EYA4: variants seen among roughly 807,000 people sequenced by gnomAD.
EYA4 encodes EYA transcriptional coactivator and phosphatase 4, also known as protein phosphatase EYA4.
A neutral mutation model predicts 87.9 loss-of-function variants in EYA4; 31 were observed. The ratio of observed to expected loss-of-function variants is 0.35; its 90% CI spans 0.27 to 0.48. EYA4 has a LOEUF of 0.48. Among genes scored for constraint, EYA4 ranks in the 20% least tolerant of loss-of-function variants. The pLI is 0.99. For synonymous variants in EYA4, 263 were observed against 270.6 expected (o/e 0.97, Z 0.28); for missense variants, 678 against 761.4 (o/e 0.89, Z 1.29).
chr6:133,349,085 C>A (rs947392727), intron 2 of EYA4, among the ~76,000 whole-genome samples: 4 of 152,210 alleles, frequency 2.6e-5, no homozygotes, highest in South Asian at 4.1e-4. Flanking sequence ...TATGCACCTG[C>A]CTCAGGGCTT....
intron 3 of EYA4, among the ~76,000 whole-genome samples, chr6:133,399,574 A>G (rs964806291): frequency 1.3e-5 from 2 of 152,242 alleles, no homozygotes; most frequent in Admixed American, 1.3e-4. Context: ...AAGAATGTCA[A>G]CTTGGACTAC....
intron 2 of EYA4, among the ~76,000 whole-genome samples, chr6:133,302,539 C>T (rs1779491273): frequency 6.6e-6 from 1 of 152,144 alleles, no homozygotes; most frequent in Non-Finnish European, 1.5e-5. Context: ...TTATAGCAAA[C>T]AATCCGTTAT....
intron 17 of EYA4, among the ~76,000 whole-genome samples, chr6:133,519,414 C>G (rs576743849): frequency 7.1e-6 from 1 of 141,776 alleles, no homozygotes; most frequent in African/African-American, 2.9e-5. Flanking sequence ...ATACATTCCT[C>G]GACACATACA....
intron 3 of EYA4, among the ~76,000 whole-genome samples, chr6:133,395,251 A>C (rs1207336339): frequency 1.4e-5 from 2 of 143,872 alleles, no homozygotes; most frequent in Admixed American, 7.0e-5. Context: ...TTTTTTCTCC[A>C]ATCCAGGTCA....
At chr6:133,295,338 G>T (rs1051840528) in intron 2 of EYA4, among the ~76,000 whole-genome samples, 4 of 152,116 alleles carry the variant, frequency 2.6e-5, no homozygotes, top group Non-Finnish European at 5.9e-5. Context: ...TGTATTCAAA[G>T]AATTTCATTT....
chr6:133,274,891 T>C lies in EYA4; in HGVS notation c.33+78T>C. On this transcript the variant is annotated intron_variant, in intron 2 of 19. Coordinates refer to ENST00000355286, the MANE Select transcript of EYA4 (RefSeq NM_004100.5). ...AATCATACGTAAAAGAGATATATTG[T>C]AAGAAGTAAGTTTTTCATTAAATAT... 3 of 1,066,116 alleles carry C rather than the reference T, an allele frequency of 2.8e-6. No individual in the cohort carries two copies. In the South Asian group the frequency reaches 4.0e-5, roughly 14 times the overall value. 66.0% of individuals were successfully genotyped at this position (1,066,116 alleles called of 1,614,324 possible).
At chr6:133,305,375 C>A (rs970770949) in intron 2 of EYA4, among the ~76,000 whole-genome samples, 1 of 152,072 alleles carries the variant, frequency 6.6e-6, no homozygotes. Flanking sequence ...GGCAAGGGCA[C>A]GAGGAAGACC....
intron 2 of EYA4, among the ~76,000 whole-genome samples, chr6:133,313,707 T>C (rs564857639): frequency 6.6e-6 from 1 of 152,336 alleles, no homozygotes; most frequent in South Asian, 2.1e-4. Context: ...TCTGTTTTCA[T>C]TCTTTCATTA....
chr6:133,323,493 C>T (rs1199082174), intron 2 of EYA4, among the ~76,000 whole-genome samples: 1 of 152,088 alleles, frequency 6.6e-6, no homozygotes, highest in Non-Finnish European at 1.5e-5. Context: ...ATTGCGTAAA[C>T]TTTGGTTAAT....
Position 133,468,748 on chromosome 6 carries a change from A to C in EYA4, c.970+17A>C. 1 of 1,611,966 alleles carries C rather than the reference A, an allele frequency of 6.2e-7. No individual in the cohort carries two copies. Among genetic ancestry groups the C allele is most frequent in the Non-Finnish European group, 8.5e-7 (1 of 1,178,322 alleles). On this transcript the variant is annotated intron_variant, in intron 11 of 19. Coordinates refer to ENST00000355286, the MANE Select transcript of EYA4 (RefSeq NM_004100.5). ...ACCAACCAGGTACAGATCTTCACCC[A>C]GGTGAAATACTTTTATATGTTTTGC...
chr6:133,515,583 G>A, intron 17 of EYA4, 148 bp downstream of exon 17: 1 of 651,170 alleles, frequency 1.5e-6, no homozygotes, highest in Middle Eastern at 3.9e-4. Flanking sequence ...CAATTTCAGT[G>A]CATGTGCATG....
At chr6:133,437,093 A>G (rs952092246) in intron 3 of EYA4, among the ~76,000 whole-genome samples, 1 of 152,124 alleles carries the variant, frequency 6.6e-6, no homozygotes, top group Non-Finnish European at 1.5e-5. Flanking sequence ...GTTTATGACT[A>G]AGTTCATTTT....
chr6:133,371,647 A>G (rs932700012), intron 2 of EYA4, among the ~76,000 whole-genome samples: 3 of 152,170 alleles, frequency 2.0e-5, no homozygotes, highest in African/African-American at 7.2e-5. Context: ...TACTCTCGTT[A>G]GCAGTTTCAA....
intron 6 of EYA4, among the ~76,000 whole-genome samples, chr6:133,458,558 T>C (rs1163113036): frequency 6.6e-6 from 1 of 152,110 alleles, no homozygotes; most frequent in Non-Finnish European, 1.5e-5. Flanking sequence ...AATTCTTTAG[T>C]GTGGGAAAGC....
intron 11 of EYA4, among the ~76,000 whole-genome samples, chr6:133,473,515 A>G (rs1182225751): frequency 3.3e-5 from 5 of 152,102 alleles, no homozygotes; most frequent in African/African-American, 7.2e-5. Context: ...TGTTTATATC[A>G]TGAATTGATG....
At chr6:133,362,009 C>T (rs1784482293) in intron 2 of EYA4, among the ~76,000 whole-genome samples, 1 of 152,202 alleles carries the variant, frequency 6.6e-6, no homozygotes, top group African/African-American at 2.4e-5. Flanking sequence ...GTTATAATTT[C>T]ATGCTCTGGC....
intron 3 of EYA4, among the ~76,000 whole-genome samples, chr6:133,422,437 T>C (rs1790300070): frequency 6.6e-6 from 1 of 152,246 alleles, no homozygotes. Context: ...TTCCTATTAA[T>C]ACATGTAGCT....
At chr6:133,426,258 A>G (rs763890580) in intron 3 of EYA4, among the ~76,000 whole-genome samples, 47 of 152,236 alleles carry the variant, frequency 3.1e-4, no homozygotes, top group Non-Finnish European at 6.0e-4. Flanking sequence ...TAACAAGTAC[A>G]AGAGCAGTTA....
At chr6:133,380,479 T>A (rs574816873) in intron 2 of EYA4, among the ~76,000 whole-genome samples, 4 of 152,306 alleles carry the variant, frequency 2.6e-5, no homozygotes, top group Admixed American at 2.6e-4. Context: ...GAAGCTTGTC[T>A]GTCTCTGACT....
Sources: gnomAD v4.1 joint callset for allele counts (sites outside exome capture counted in the v4.1 genomes callset) on GRCh38, gnomAD v4.1.1 for gene constraint, MANE v1.5 for transcripts, NCBI Gene and HGNC (gene_info 2026-07-23, HGNC 2026-07-21) for gene names.